Variants in PLXNA4 observed in about 807,000 individuals in gnomAD.
PLXNA4 encodes plexin-A4.
Under a neutral mutation model 191.8 loss-of-function variants are expected in PLXNA4, and 44 were observed. The observed-to-expected ratio is 0.23, with a 90% CI of 0.18 to 0.29. The LOEUF (loss-of-function observed/expected upper bound fraction) is 0.29. PLXNA4 is among the 10% of genes least tolerant of loss of function. The pLI is 1.00. For missense variants in PLXNA4, 1,800 were observed against 2,488.8 expected (o/e 0.72, Z 5.89); for synonymous variants, 1,082 against 1,009.5 (o/e 1.07, Z -1.36).
chr7:132,356,105 C>G (rs1459621852), intron 3 of PLXNA4, among the ~76,000 whole-genome samples: 1 of 152,178 alleles, frequency 6.6e-6, no homozygotes, highest in East Asian at 1.9e-4. Context: ...AGGGAAACCA[C>G]TTTACTCATA....
At chr7:132,511,182 C>G (rs1798699875) in intron 1 of PLXNA4, among the ~76,000 whole-genome samples, 1 of 152,146 alleles carries the variant, frequency 6.6e-6, no homozygotes, top group Non-Finnish European at 1.5e-5. Flanking sequence ...AGACGAATAC[C>G]AATATCTGTG....
intron 3 of PLXNA4, among the ~76,000 whole-genome samples, chr7:132,372,478 G>T (rs1437723428): frequency 6.6e-6 from 1 of 152,200 alleles, no homozygotes; most frequent in Non-Finnish European, 1.5e-5. Context: ...AGGTCAGGTA[G>T]ATCTATGCAG....
intron 4 of PLXNA4, among the ~76,000 whole-genome samples, chr7:132,251,524 G>A (rs550264887): frequency 1.3e-5 from 2 of 152,306 alleles, no homozygotes; most frequent in South Asian, 4.1e-4. Flanking sequence ...GCTCCTTGTG[G>A]GAAGTGGCAG....
intron 1 of PLXNA4, among the ~76,000 whole-genome samples, chr7:132,540,772 A>G (rs1465256696): frequency 1.3e-5 from 2 of 149,070 alleles, no homozygotes; most frequent in African/African-American, 2.5e-5. Flanking sequence ...TATTTTTAGT[A>G]GAGACGGTGT....
chr7:132,512,181 C>T (rs892310022), intron 1 of PLXNA4, among the ~76,000 whole-genome samples: 3 of 152,332 alleles, frequency 2.0e-5, no homozygotes, highest in South Asian at 4.1e-4. Flanking sequence ...GTCGGGGCTC[C>T]GCCACCAACT....
At chr7:132,304,607 G>A (rs542757007) in intron 3 of PLXNA4, among the ~76,000 whole-genome samples, 67 of 152,284 alleles carry the variant, frequency 4.4e-4, no homozygotes, top group Admixed American at 3.4e-3. Flanking sequence ...GAGCAGCCAC[G>A]TTTCAGGTGC....
Position 132,244,734 on chromosome 7 carries a change from A to T in PLXNA4, c.1504-3568T>A, listed in dbSNP as rs191326898. 4.5e-4 allele frequency among the ~76,000 whole-genome samples: 68 copies of T among 152,362 alleles called. 1 individual carries two copies. The East Asian group carries it at 0.012, about 26-fold the overall frequency. ...CCAAGGCCTCCCAGACTGGCTGCAC[A>T]GCTCTCCATCTCTATCATTGCTTTG... On this transcript the variant is annotated intron_variant, in intron 4 of 31. Transcript: ENST00000321063.
chr7:132,277,898 G>A (rs551724472), intron 4 of PLXNA4, among the ~76,000 whole-genome samples: 14 of 152,292 alleles, frequency 9.2e-5, no homozygotes, highest in African/African-American at 2.6e-4. Flanking sequence ...ACATGTAAAT[G>A]AATGGGTGTG....
intron 3 of PLXNA4, among the ~76,000 whole-genome samples, chr7:132,332,901 A>G (rs1802651079): frequency 6.6e-6 from 1 of 151,668 alleles, no homozygotes; most frequent in African/African-American, 2.4e-5. Flanking sequence ...ATCCATGTTT[A>G]TAGACAACAG....
intron 19 of PLXNA4, 122 bp downstream of exon 19, chr7:132,180,464 G>T (rs1290136939): frequency 4.9e-6 from 7 of 1,442,478 alleles, no homozygotes; most frequent in Non-Finnish European, 6.5e-6. Context: ...TTGGGGTGTG[G>T]GGTAGCTACA....
At chr7:132,402,698 G>A (rs912910031) in intron 3 of PLXNA4, among the ~76,000 whole-genome samples, 6 of 152,154 alleles carry the variant, frequency 3.9e-5, no homozygotes, top group Admixed American at 2.0e-4. Context: ...CTCCCGAGCC[G>A]CTCAGTCCAT....
chr7:132,604,949 C>G (rs897296570), intron 2 of PLXNA4, among the ~76,000 whole-genome samples: 13 of 152,164 alleles, frequency 8.5e-5, no homozygotes, highest in Non-Finnish European at 1.3e-4. Flanking sequence ...ATGGCTCTTC[C>G]TTTGTTGACT....
intron 3 of PLXNA4, among the ~76,000 whole-genome samples, chr7:132,408,172 T>C (rs1368015614): frequency 1.3e-5 from 2 of 152,178 alleles, no homozygotes; most frequent in Non-Finnish European, 2.9e-5. Context: ...TAATAGAATA[T>C]TAAGCAGATG....
chr7:132,647,246 TACAC>T (rs138490040), intron 1 of PLXNA4, among the ~76,000 whole-genome samples: 11 of 134,352 alleles, frequency 8.2e-5, no homozygotes, highest in Non-Finnish European at 1.3e-4. Context: ...TACACTGACA[TACAC>T]ACAGACATGC....
intron 3 of PLXNA4, among the ~76,000 whole-genome samples, chr7:132,320,915 C>T (rs1361366640): frequency 6.6e-6 from 1 of 152,164 alleles, no homozygotes; most frequent in African/African-American, 2.4e-5. Context: ...ATGACTGCTC[C>T]CGCGGCAGGG....
intron 3 of PLXNA4, among the ~76,000 whole-genome samples, chr7:132,303,708 C>T (rs575960653): frequency 2.0e-5 from 3 of 152,368 alleles, no homozygotes; most frequent in East Asian, 1.9e-4. Context: ...ACACATCCCA[C>T]ACCCACCATG....
At position 132,467,774 on chromosome 7, in the gene PLXNA4, A is replaced by G. The variant is rs184477980; in HGVS notation, c.1371+21518T>C. Among the ~76,000 whole-genome samples the G allele has an allele frequency of 4.1e-4, 63 of 152,268 alleles. 1 individual carries two copies. The highest frequency in any genetic ancestry group is 3.4e-3 in the Middle Eastern group (1 of 294). On this transcript the variant is annotated intron_variant, in intron 3 of 31. Transcript: ENST00000321063. ...TTGTTTCGGTCTTTCTAATACTTCAAATAACCTCATTATTCAGGATGGTGG... is the reference window on the plus strand; with the variant it reads ...TTGTTTCGGTCTTTCTAATACTTCAGATAACCTCATTATTCAGGATGGTGG...
intron 2 of PLXNA4, among the ~76,000 whole-genome samples, chr7:132,640,617 G>A (rs1481549464): frequency 1.3e-5 from 2 of 152,200 alleles, no homozygotes; most frequent in African/African-American, 2.4e-5. Context: ...CACCTTGATC[G>A]TGAACTTATG....
At chr7:132,164,101 C>T (rs375644886) in intron 24 of PLXNA4, 41 bp downstream of exon 24, 37 of 1,610,886 alleles carry the variant, frequency 2.3e-5, no homozygotes, top group African/African-American at 8.0e-5. Flanking sequence ...GATGGAAGCC[C>T]GCCTGTCAAA....
Sources: allele counts gnomAD v4.1 joint callset (sites outside exome capture counted in the v4.1 genomes callset), GRCh38; gene constraint gnomAD v4.1.1; transcripts MANE v1.5; gene names NCBI Gene and HGNC (gene_info 2026-07-23, HGNC 2026-07-21).